Variants in G6PC2 observed in about 807,000 individuals in gnomAD.
G6PC2 encodes the protein glucose-6-phosphatase catalytic subunit 2.
G6PC2 carries 41 observed loss-of-function variants against 35.4 expected under a neutral mutation model. The observed-to-expected ratio is 1.16, with a 90% CI of 0.90 to 1.50. The LOEUF (loss-of-function observed/expected upper bound fraction) is 1.50, where lower values mean the gene tolerates loss of function less well. G6PC2 is among the 40% of genes most tolerant of loss of function. The pLI, the probability that G6PC2 is intolerant of heterozygous loss-of-function variation, is 0.00. For missense variants in G6PC2, 441 were observed against 426.5 expected (o/e 1.03, Z -0.30); for synonymous variants, 165 against 153.2 (o/e 1.08, Z -0.57).
rs143686780 is a variant in G6PC2, at chr2:168,907,877, C to A, written c.866C>A (p.Thr289Lys). ...LLSCRGGNNY[T>K]LSFRLLCALT... ...AGCTGCCGAGGGGGAAATAACTACACACTGAGCTTCCGGTTGCTCTGTGCC... is the reference window on the plus strand; with the variant it reads ...AGCTGCCGAGGGGGAAATAACTACAAACTGAGCTTCCGGTTGCTCTGTGCC... Residue 289 changes from threonine to lysine, a missense_variant, in exon 5 of 5, where the codon ACA becomes AAA. Thr to Lys is a moderately conservative substitution (Grantham distance 78, BLOSUM62 -1). Transcript: ENST00000375363. The A allele has an allele frequency of 1.4e-4, 228 of 1,613,748 alleles. No individual in the cohort carries two copies. The highest frequency in any genetic ancestry group is 1.9e-4 in the Non-Finnish European group (220 of 1,179,756).
Position 168,907,957 on chromosome 2 carries a change from G to C in G6PC2, c.946G>C (p.Glu316Gln), listed in dbSNP as rs574976550. 1.9e-6 allele frequency: 3 copies of C among 1,614,074 alleles called. No homozygotes were observed. The highest frequency in any genetic ancestry group is 2.5e-6 in the Non-Finnish European group (3 of 1,179,942). ...LYHFLQIPTH[E>Q]EHLFYVLSFC... ...CCATTTCCTCCAGATCCCGACTCAC[G>C]AAGAGCATTTATTTTATGTGCTGTC... The change falls in exon 5 of 5, where the codon GAA (glutamate) becomes CAA (glutamine). Residue 316 changes from glutamate to glutamine, a missense_variant. Transcript: ENST00000375363.
chr2:168,906,834 T>G, intron 4 of G6PC2, 55 bp downstream of exon 4: 1 of 897,494 alleles, frequency 1.1e-6, no homozygotes, highest in South Asian at 1.3e-5. Flanking sequence ...AGTTTCATTA[T>G]GTTTAAGGGT....
intron 2 of G6PC2, among the ~76,000 whole-genome samples, chr2:168,903,270 G>C (rs771416617): frequency 1.3e-5 from 2 of 151,970 alleles, no homozygotes; most frequent in Non-Finnish European, 2.9e-5. Context: ...TAACATTCTC[G>C]CCAGTTGACA....
intron 4 of G6PC2, 126 bp from the exon 5 acceptor site, chr2:168,907,442 A>G: frequency 1.0e-6 from 1 of 977,952 alleles, no homozygotes; most frequent in Non-Finnish European, 1.6e-6. Context: ...TGGAAAATGG[A>G]TAGAACCTCT....
At position 168,908,090 on chromosome 2, in the gene G6PC2, A is replaced by C; in HGVS notation, c.*11A>C. The C allele has an allele frequency of 6.2e-7, 1 of 1,607,584 alleles. No individual in the cohort carries two copies. Among genetic ancestry groups the C allele is most frequent in the Non-Finnish European group, 8.5e-7 (1 of 1,174,796 alleles). ...AAGAAGAGTCAGTAGAGTGGTGCCT[A>C]GAGTTAGTGCTCTGTGTCACAGATC... On this transcript the variant is annotated 3_prime_UTR_variant, in exon 5 of 5. Coordinates refer to ENST00000375363, the MANE Select transcript of G6PC2 (RefSeq NM_021176.3).
Position 168,908,236 on chromosome 2 carries a change from A to G in G6PC2, c.*157A>G. 1 of 652,590 alleles carries G rather than the reference A, an allele frequency of 1.5e-6. No homozygotes were observed. The highest frequency in any genetic ancestry group is 2.7e-6 in the Non-Finnish European group (1 of 369,864). The allele number at this position is 652,590 out of a possible 1,614,324, so 40.4% of individuals were successfully genotyped here. ...TAGAGATGTTTAGTTTGGCCTTCGC[A>G]CTGGTCTTTTTTTTTAATCCTTCAG... On this transcript the variant is annotated 3_prime_UTR_variant, in exon 5 of 5. Transcript: ENST00000375363.
intron 1 of G6PC2, among the ~76,000 whole-genome samples, 188 bp downstream of exon 1, chr2:168,901,737 G>GT (rs34174689): frequency 0.056 from 7,252 of 130,354 alleles, 531 homozygotes; most frequent in African/African-American, 0.17. Context: ...ATATGTTTTT[G>GT]TTTTTTTTTT....
chr2:168,906,576 T>TAAA (rs1690716948), intron 3 of G6PC2, 88 bp from the exon 4 acceptor site: 1 of 773,360 alleles, frequency 1.3e-6, no homozygotes, highest in Non-Finnish European at 2.4e-6. Context: ...AAGATTCTTC[T>TAAA]GAGAAGGATC....
At chr2:168,905,643 C>T (rs986230568) in intron 3 of G6PC2, among the ~76,000 whole-genome samples, 1 of 152,182 alleles carries the variant, frequency 6.6e-6, no homozygotes, top group Non-Finnish European at 1.5e-5. Flanking sequence ...TTTCTCTATA[C>T]TGTATTCCTG....
intron 2 of G6PC2, 69 bp from the exon 3 acceptor site, chr2:168,904,436 A>C: frequency 5.0e-4 from 391 of 783,592 alleles, no homozygotes; most frequent in Non-Finnish European, 8.2e-4. Context: ...GGAATATGCT[A>C]TTCTATTATT....
chr2:168,904,361 A>G, intron 2 of G6PC2, 144 bp from the exon 3 acceptor site: 1 of 723,472 alleles, frequency 1.4e-6, no homozygotes, highest in Non-Finnish European at 2.6e-6. Context: ...ATTTCTACCC[A>G]CTTCTAAACA....
Position 168,901,572 on chromosome 2 carries a change from T to G in G6PC2, c.218+23T>G, listed in dbSNP as rs777727138. ...ATGGTAAGATTTCTGTTTTATTTCA[T>G]TTTTTCCTAAGATTTATCCTTAAAT... On this transcript the variant is annotated intron_variant, in intron 1 of 4. Coordinates refer to ENST00000375363, the MANE Select transcript of G6PC2 (RefSeq NM_021176.3). 6 of 1,193,908 alleles carry G rather than the reference T, an allele frequency of 5.0e-6. No individual in the cohort carries two copies. The South Asian group carries it at 6.1e-5, about 12-fold the overall frequency. The allele number at this position is 1,193,908 out of a possible 1,614,324, so 74.0% of individuals were successfully genotyped here.
In G6PC2 at chr2:168,909,985, A is replaced by G. The variant is rs1440595841; in HGVS notation, c.*1906A>G. The G allele has an allele frequency of 6.6e-6, 1 of 152,236 alleles. No individual in the cohort carries two copies. Among genetic ancestry groups the G allele is most frequent in the African/African-American group, 2.4e-5 (1 of 41,458 alleles). 9.4% of individuals were successfully genotyped at this position (152,236 alleles called of 1,614,324 possible). A position where few individuals can be genotyped will look rare whatever the true frequency, so the allele number is the denominator to read the frequency against. On this transcript the variant is annotated 3_prime_UTR_variant, in exon 5 of 5. Coordinates refer to ENST00000375363, the MANE Select transcript of G6PC2 (RefSeq NM_021176.3). ...ACTGAACTTTCTAAAAGGTAAATAA[A>G]CTGAACTTGATATTAGTGGTTCGGT...
Position 168,908,508 on chromosome 2 carries a change from C to T in G6PC2, c.*429C>T, listed in dbSNP as rs1012866404. The T allele has an allele frequency of 1.3e-5, 3 of 230,794 alleles. No homozygotes were observed. Among genetic ancestry groups the T allele is most frequent in the African/African-American group, 2.3e-5 (1 of 43,470 alleles). The allele number at this position is 230,794 out of a possible 1,614,324, so 14.3% of individuals were successfully genotyped here. ...CCAGGCTGCATCTGATTCCTGTTGA[C>T]ATTTTAGTGGGGACCACAGCCATAT... On this transcript the variant is annotated 3_prime_UTR_variant, in exon 5 of 5. Coordinates refer to ENST00000375363, the MANE Select transcript of G6PC2 (RefSeq NM_021176.3).
At chr2:168,902,712 A>T (rs1038970134) in intron 2 of G6PC2, among the ~76,000 whole-genome samples, 158 bp downstream of exon 2, 3 of 152,224 alleles carry the variant, frequency 2.0e-5, no homozygotes, top group African/African-American at 7.2e-5. Context: ...CTAATGAGGA[A>T]GCAAAGCAAA....
chr2:168,907,661 T>C lies in G6PC2; in HGVS notation c.650T>C (p.Phe217Ser). Reference protein sequence around the residue: ...YLKTNLFLFLFAVGFYLLLRV... With the variant: ...YLKTNLFLFLSAVGFYLLLRV... ...AAGACCAACCTCTTTCTCTTCCTGT[T>C]TGCAGTTGGCTTTTACCTGCTTCTT... is the stretch of plus-strand genomic sequence containing the variant. Residue 217 changes from phenylalanine (F) to serine (S), a missense_variant, in exon 5 of 5, where the codon TTT becomes TCT. By Grantham distance (155) the Phe-to-Ser change is radical (BLOSUM62 -2). Transcript: ENST00000375363. 6.2e-7 allele frequency: 1 copy of C among 1,614,064 alleles called. No homozygotes were observed. The highest frequency in any genetic ancestry group is 8.5e-7 in the Non-Finnish European group (1 of 1,179,980).
In G6PC2 at chr2:168,902,496, C is replaced by T. The variant is rs750324729; in HGVS notation, c.270C>T (p.Tyr90=). Residue 90 remains tyrosine (Y), a synonymous_variant, in exon 2 of 5, where the codon TAC becomes TAT. Coordinates refer to ENST00000375363, the MANE Select transcript of G6PC2 (RefSeq NM_021176.3). The stretch of plus-strand genomic sequence containing the variant: ...GGTGGGTCCAAGAAACTCAGATTTA[C>T]CCAAATCACTCAAGTCCATGCCTTG... ...PYWWVQETQI[Y]PNHSSPCLEQ... The T allele has an allele frequency of 5.0e-5, 79 of 1,589,178 alleles. No homozygotes were observed. Among genetic ancestry groups the T allele is most frequent in the Middle Eastern group, 1.7e-4 (1 of 6,022 alleles).
At position 168,907,956 on chromosome 2, in the gene G6PC2, C is replaced by G; in HGVS notation, c.945C>G (p.His315Gln). 1 of 1,614,068 alleles carries G rather than the reference C, an allele frequency of 6.2e-7. No homozygotes were observed. The highest frequency in any genetic ancestry group is 8.5e-7 in the Non-Finnish European group (1 of 1,179,916). Residue 315 changes from histidine (H) to glutamine (Q), a missense_variant, in exon 5 of 5, where the codon CAC (histidine) becomes CAG (glutamine). His to Gln is a conservative substitution (Grantham distance 24). Coordinates refer to ENST00000375363, the MANE Select transcript of G6PC2 (RefSeq NM_021176.3). ...QLYHFLQIPT[H>Q]EEHLFYVLSF... ...ACCATTTCCTCCAGATCCCGACTCA[C>G]GAAGAGCATTTATTTTATGTGCTGT...
In G6PC2 at chr2:168,901,498, A is replaced by G. The variant is rs1167870453; in HGVS notation, c.167A>G (p.Lys56Arg). 1 of 1,596,822 alleles carries G rather than the reference A, an allele frequency of 6.3e-7. No homozygotes were observed. Among genetic ancestry groups the G allele is most frequent in the South Asian group, 1.1e-5 (1 of 90,714 alleles). The change falls in exon 1 of 5, where the codon AAG becomes AGG. Residue 56 changes from lysine (K) to arginine (R), a missense_variant. Coordinates refer to ENST00000375363, the MANE Select transcript of G6PC2 (RefSeq NM_021176.3). The stretch of plus-strand genomic sequence containing the variant: ...CAATTTAATCAGACAGTTGGAACCA[A>G]GATGATATGGGTAGCAGTCATTGGG... ...CFQFNQTVGT[K>R]MIWVAVIGDW...
Sources: gnomAD v4.1 joint callset for allele counts (sites outside exome capture counted in the v4.1 genomes callset) on GRCh38, gnomAD v4.1.1 for gene constraint, MANE v1.5 for transcripts, NCBI Gene and HGNC (gene_info 2026-07-23, HGNC 2026-07-21) for gene names.